HERC3: variants seen among roughly 807,000 people sequenced by gnomAD.
The protein encoded by HERC3 is probable E3 ubiquitin-protein ligase HERC3.
A neutral mutation model predicts 129.9 loss-of-function variants in HERC3; 58 were observed. The ratio of observed to expected loss-of-function variants is 0.45; its 90% CI spans 0.36 to 0.56. The LOEUF is 0.56. HERC3 is among the 20% of genes least tolerant of loss of function. The pLI is 0.00. For synonymous variants in HERC3, 430 were observed against 451.0 expected (o/e 0.95, Z 0.59); for missense variants, 835 against 1,244.2 (o/e 0.67, Z 4.95).
chr4:88,571,598 C>T, the HERC3 span, among the ~76,000 whole-genome samples: 2 of 152,314 alleles, frequency 1.3e-5, no homozygotes, highest in African/African-American at 2.4e-5. Context: ...AGTCTTTACA[C>T]ATGCATGTGT....
chr4:88,663,684 G>A (rs796782597), intron 11 of HERC3, among the ~76,000 whole-genome samples: 16 of 152,246 alleles, frequency 1.1e-4, no homozygotes, highest in African/African-American at 3.6e-4. Context: ...GAAGGTAATG[G>A]GAATAAGCAC....
chr4:88,523,857 G>A, the HERC3 span: 2 of 682,976 alleles, frequency 2.9e-6, no homozygotes, highest in East Asian at 3.2e-5. Context: ...TGGTTCCGAG[G>A]GTGCTTCTGC....
chr4:88,622,564 G>T (rs1339355410), intron 3 of HERC3, among the ~76,000 whole-genome samples: 1 of 152,180 alleles, frequency 6.6e-6, no homozygotes, highest in Non-Finnish European at 1.5e-5. Context: ...CCTTCAGATT[G>T]TTCTCTAAAG....
intron 16 of HERC3, among the ~76,000 whole-genome samples, chr4:88,672,075 A>G (rs28523277): frequency 0.041 from 6,198 of 152,210 alleles, 161 homozygotes; most frequent in Middle Eastern, 0.12. Flanking sequence ...AAGTTAAACA[A>G]TTTTTCCACT....
chr4:88,690,313 A>T, intron 23 of HERC3: 1 of 984,858 alleles, frequency 1.0e-6, no homozygotes, highest in Non-Finnish European at 1.2e-6. Context: ...TTTATGGCAG[A>T]TCATAAAGCA....
chr4:88,611,115 G>A (rs1282490793), intron 3 of HERC3, among the ~76,000 whole-genome samples: 1 of 152,242 alleles, frequency 6.6e-6, no homozygotes, highest in Non-Finnish European at 1.5e-5. Flanking sequence ...AGAGATTCCA[G>A]AAATTTCTGT....
At chr4:88,613,941 G>T in intron 3 of HERC3, among the ~76,000 whole-genome samples, 1 of 139,976 alleles carries the variant, frequency 7.1e-6, no homozygotes, top group East Asian at 2.2e-4. Flanking sequence ...TAATTTTATT[G>T]TGGGATAATT....
rs1026838890 is a variant in HERC3 at position 88,593,147 on chromosome 4, G to C, written c.-88+573G>C. The C allele has an allele frequency of 8.5e-5, 13 of 152,254 alleles. No homozygotes were observed. In the East Asian group the frequency reaches 2.5e-3, roughly 30 times the overall value. 9.4% of individuals were successfully genotyped at this position (152,254 alleles called of 1,614,324 possible). A position where few individuals can be genotyped will look rare whatever the true frequency, so the allele number is the denominator to read the frequency against. ...GGCGTCCGCGATGACAGCGCCGGCA[G>C]GGCTGCGGGGCCCGGCACCACCCAC... On this transcript the variant is annotated intron_variant, in intron 1 of 25. Coordinates refer to ENST00000402738, the MANE Select transcript of HERC3 (RefSeq NM_014606.3).
chr4:88,694,377 C>T (rs1232285625), intron 23 of HERC3, among the ~76,000 whole-genome samples: 1 of 152,142 alleles, frequency 6.6e-6, no homozygotes, highest in Non-Finnish European at 1.5e-5. Context: ...CCTTTGCCAT[C>T]CATATTTATT....
chr4:88,527,677 G>A, the HERC3 span: 1 of 303,276 alleles, frequency 3.3e-6, no homozygotes, highest in Non-Finnish European at 6.4e-6. Flanking sequence ...CAATGTGCTT[G>A]TCATCGTGGT....
chr4:88,686,569 T>C (rs1733488183), intron 21 of HERC3, among the ~76,000 whole-genome samples, 167 bp from the exon 22 acceptor site: 1 of 152,226 alleles, frequency 6.6e-6, no homozygotes, highest in African/African-American at 2.4e-5. Flanking sequence ...CATAATTCTC[T>C]GCAAGGTGTA....
chr4:88,532,429 C>T, the HERC3 span, among the ~76,000 whole-genome samples: 1 of 152,194 alleles, frequency 6.6e-6, no homozygotes, highest in Non-Finnish European at 1.5e-5. Context: ...GTATATATGG[C>T]TGTCCCAGCT....
intron 1 of HERC3, among the ~76,000 whole-genome samples, chr4:88,594,103 C>A (rs1268620903): frequency 6.6e-6 from 1 of 152,218 alleles, no homozygotes; most frequent in Non-Finnish European, 1.5e-5. Context: ...AGCACATTAG[C>A]ACTAGCATCC....
intron 16 of HERC3, among the ~76,000 whole-genome samples, chr4:88,673,795 C>CA (rs1394427588): frequency 6.6e-6 from 1 of 152,186 alleles, no homozygotes; most frequent in Non-Finnish European, 1.5e-5. Context: ...TACAGACTTA[C>CA]AAAAAGTCTG....
the HERC3 span, among the ~76,000 whole-genome samples, chr4:88,558,349 A>C: frequency 6.6e-6 from 1 of 152,190 alleles, no homozygotes; most frequent in African/African-American, 2.4e-5. Flanking sequence ...TGTCTTTTGC[A>C]GCATCTTGGA....
the HERC3 span, among the ~76,000 whole-genome samples, chr4:88,542,477 G>T: frequency 2.6e-5 from 4 of 152,184 alleles, no homozygotes; most frequent in Admixed American, 1.3e-4. Flanking sequence ...TCCAGGACCA[G>T]ATGGATTCAC....
At chr4:88,595,393 A>G (rs1046056697) in intron 1 of HERC3, among the ~76,000 whole-genome samples, 164 bp from the exon 2 acceptor site, 1 of 152,202 alleles carries the variant, frequency 6.6e-6, no homozygotes, top group South Asian at 2.1e-4. Context: ...CTGGTATTTA[A>G]CCAAACTCCT....
Position 88,704,750 on chromosome 4 carries a change from T to A in HERC3, c.2944+140T>A, listed in dbSNP as rs1278216788. 1.3e-5 allele frequency: 8 copies of A among 619,166 alleles called. No individual in the cohort carries two copies. In the African/African-American group the frequency reaches 1.3e-4, roughly 10 times the overall value. 38.4% of individuals were successfully genotyped at this position (619,166 alleles called of 1,614,324 possible). On this transcript the variant is annotated intron_variant, in intron 25 of 25. Transcript: ENST00000402738. Reference sequence around the variant, plus strand: ...ATTCACTATATGTATGCTTTTTGTCTTAATGTTATCTCAGGCACAATATAG... The same window carrying A: ...ATTCACTATATGTATGCTTTTTGTCATAATGTTATCTCAGGCACAATATAG...
chr4:88,697,277 C>G (rs1422465492), intron 23 of HERC3: 1 of 1,592,382 alleles, frequency 6.3e-7, no homozygotes, highest in Admixed American at 1.8e-5. Context: ...GCCTCTGCCG[C>G]AGCCTCCTCC....
Sources: allele counts gnomAD v4.1 joint callset (sites outside exome capture counted in the v4.1 genomes callset), GRCh38; gene constraint gnomAD v4.1.1; transcripts MANE v1.5; gene names NCBI Gene and HGNC (gene_info 2026-07-23, HGNC 2026-07-21).